The following DMD variants were observed in gnomAD, a reference collection of about 807,000 sequenced individuals.
DMD encodes mutant dystrophin.
A neutral mutation model predicts 330.1 loss-of-function variants in DMD; 63 were observed. That is an observed-to-expected ratio of 0.19 (90% CI 0.16 to 0.24). DMD has a LOEUF of 0.24. Ranked by LOEUF, DMD falls within the 10% of genes least tolerant of loss-of-function variation. The pLI is 1.00. For missense variants in DMD, 3,344 were observed against 2,684.1 expected (o/e 1.25, Z -5.43); for synonymous variants, 1,223 against 959.8 (o/e 1.27, Z -5.07).
At chrX:32,773,574 A>G (rs756866616) in intron 7 of DMD, among the ~76,000 whole-genome samples, 1 of 102,226 alleles carries the variant, frequency 9.8e-6, no homozygotes, top group Non-Finnish European at 2.0e-5. Flanking sequence ...CTCCCCACTT[A>G]CCCTTCTCAG....
chrX:31,787,033 G>A (rs2091337318), intron 50 of DMD, among the ~76,000 whole-genome samples: 1 of 112,298 alleles, frequency 8.9e-6, no homozygotes, highest in Admixed American at 9.5e-5. Context: ...TTAATACATA[G>A]AAGTAATATG....
At chrX:32,233,370 A>G (rs12687677) in intron 43 of DMD, among the ~76,000 whole-genome samples, 8,963 of 110,767 alleles carry the variant, frequency 0.081, 505 homozygotes, top group East Asian at 0.46. Context: ...GTGGCATGGA[A>G]GGAATGGCCC....
chrX:31,310,203 CTCCAT>C (rs757075874), intron 62 of DMD, among the ~76,000 whole-genome samples: 21,730 of 90,872 alleles, frequency 0.24, 2,486 homozygotes, highest in African/African-American at 0.43. Context: ...CTCTCTCTCT[CTCCAT>C]ATATATATAT....
intron 7 of DMD, among the ~76,000 whole-genome samples, chrX:32,796,445 C>T (rs2148661681): frequency 9.0e-6 from 1 of 110,766 alleles, no homozygotes; most frequent in Non-Finnish European, 1.9e-5. Flanking sequence ...TAATAAGATA[C>T]CAGAGGCTAG....
intron 4 of DMD, among the ~76,000 whole-genome samples, chrX:32,826,672 A>G (rs1399215273): frequency 9.0e-5 from 10 of 111,540 alleles, no homozygotes; most frequent in African/African-American, 3.3e-4. Context: ...TGAGAGTAAA[A>G]TGTTGGTTAG....
At position 32,102,874 on chromosome X, in the gene DMD, C is replaced by G. The variant is rs192027929; in HGVS notation, c.6438+114042G>C. On this transcript the variant is annotated intron_variant, in intron 44 of 78. Transcript: ENST00000357033. ...TTATTTTGATCAGAGATGCAAATGT[C>G]TTTGGAAAAAAAGTTGGGGGTTCTT... 2.4e-4 allele frequency among the ~76,000 whole-genome samples: 27 copies of G among 111,861 alleles called. No individual in the cohort carries two copies. In the Admixed American group the frequency reaches 2.5e-3, roughly 10 times the overall value.
chrX:31,132,203 A>T (rs1283396353), intron 77 of DMD, among the ~76,000 whole-genome samples: 1 of 112,107 alleles, frequency 8.9e-6, no homozygotes, highest in African/African-American at 3.2e-5. Flanking sequence ...TGAGTTTCCC[A>T]AGTTTCCATA....
At chrX:32,211,740 G>T (rs974584071) in intron 44 of DMD, among the ~76,000 whole-genome samples, 2 of 111,775 alleles carry the variant, frequency 1.8e-5, no homozygotes, top group Non-Finnish European at 3.8e-5. Context: ...AGGCTTGTAT[G>T]TCTGCGACAA....
intron 54 of DMD, among the ~76,000 whole-genome samples, chrX:31,634,592 G>T (rs1280250620): frequency 1.8e-5 from 2 of 111,412 alleles, no homozygotes. Context: ...ACTTTAGATA[G>T]TAAGAGAGTA....
intron 2 of DMD, among the ~76,000 whole-genome samples, chrX:32,939,656 G>T (rs1333841100): frequency 9.0e-6 from 1 of 110,669 alleles, no homozygotes. Flanking sequence ...CTCCATATAA[G>T]TTAAATATTC....
chrX:33,127,809 A>AT (rs1296621935), intron 1 of DMD, among the ~76,000 whole-genome samples: 2 of 110,219 alleles, frequency 1.8e-5, no homozygotes, highest in East Asian at 2.8e-4. Flanking sequence ...AGGTCTGGAT[A>AT]TTTTTTTCTT....
chrX:32,517,801 C>A, intron 18 of DMD: 4 of 447,295 alleles, frequency 8.9e-6, no homozygotes, highest in Non-Finnish European at 1.2e-5. Context: ...GAAAGGCATC[C>A]CTAGTCAGTC....
intron 9 of DMD, among the ~76,000 whole-genome samples, chrX:32,652,303 C>G (rs757089644): frequency 1.4e-5 from 1 of 72,795 alleles, no homozygotes; most frequent in Non-Finnish European, 2.4e-5. Context: ...CACCCCACTA[C>G]GGGACCCAGT....
chrX:32,807,927 C>G (rs1312212079), intron 7 of DMD, among the ~76,000 whole-genome samples: 3 of 112,007 alleles, frequency 2.7e-5, no homozygotes, highest in African/African-American at 9.7e-5. Flanking sequence ...ATAATGGGAA[C>G]TGACCATATG....
In DMD at chrX:32,365,008, C is replaced by T; in HGVS notation, c.5025+12G>A. On this transcript the variant is annotated intron_variant, in intron 35 of 78. Coordinates refer to ENST00000357033, the MANE Select transcript of DMD (RefSeq NM_004006.3). Reference sequence around the variant, plus strand: ...AGAGAAGGGTGTAAAAGCTTCTAGCCTTTTCTCTTACCAACAAAAGATTTA... The same window carrying T: ...AGAGAAGGGTGTAAAAGCTTCTAGCTTTTTCTCTTACCAACAAAAGATTTA... The T allele has an allele frequency of 8.3e-7, 1 of 1,209,301 alleles. No individual in the cohort carries two copies. Among genetic ancestry groups the T allele is most frequent in the Non-Finnish European group, 1.1e-6 (1 of 893,751 alleles).
intron 50 of DMD, among the ~76,000 whole-genome samples, chrX:31,799,660 C>G (rs1161980976): frequency 9.0e-6 from 1 of 111,591 alleles, no homozygotes; most frequent in Non-Finnish European, 1.9e-5. Context: ...CCAACAGTCA[C>G]CCAAAGTCTT....
At chrX:31,427,808 A>C (rs1164789301) in intron 60 of DMD, among the ~76,000 whole-genome samples, 2 of 111,702 alleles carry the variant, frequency 1.8e-5, no homozygotes. Context: ...TTCTGGGGCT[A>C]CATGTCTAGT....
At chrX:33,107,338 A>G (rs1236619710) in intron 1 of DMD, among the ~76,000 whole-genome samples, 2 of 101,840 alleles carry the variant, frequency 2.0e-5, no homozygotes, top group African/African-American at 7.1e-5. Flanking sequence ...ACACACAAAA[A>G]AAACAGCAAC....
intron 62 of DMD, among the ~76,000 whole-genome samples, chrX:31,277,770 C>A (rs1402902149): frequency 1.8e-5 from 2 of 111,083 alleles, no homozygotes; most frequent in Non-Finnish European, 3.8e-5. Context: ...GGTCATGAAC[C>A]CTTAGTACGT....
Sources: gnomAD v4.1 joint callset for allele counts (sites outside exome capture counted in the v4.1 genomes callset) on GRCh38, gnomAD v4.1.1 for gene constraint, MANE v1.5 for transcripts, NCBI Gene and HGNC (gene_info 2026-07-23, HGNC 2026-07-21) for gene names.